Variants in UGT1A8 observed in about 807,000 individuals in gnomAD.
The protein encoded by UGT1A8 is UDP-glucuronosyltransferase 1A8.
UGT1A8 carries 39 observed loss-of-function variants against 45.3 expected under a neutral mutation model. The observed-to-expected ratio is 0.86, with a 90% CI of 0.67 to 1.12. The LOEUF (loss-of-function observed/expected upper bound fraction) is 1.12, where lower values mean the gene tolerates loss of function less well. Ranked by LOEUF, UGT1A8 falls within the 50% of genes most tolerant of loss-of-function variation. The probability of loss-of-function intolerance (pLI) is 0.00; values close to 1 mark genes in which losing one functional copy is unlikely to be tolerated. For synonymous variants in UGT1A8, 275 were observed against 249.2 expected (o/e 1.10, Z -0.97); for missense variants, 719 against 664.9 (o/e 1.08, Z -0.90).
rs900393425 is a variant in UGT1A8 at position 233,715,048 on chromosome 2, C to CT, written c.856-51977dup. 1.6e-3 allele frequency among the ~76,000 whole-genome samples: 238 copies of CT among 151,030 alleles called. 1 individual carries two copies. The highest frequency in any genetic ancestry group is 5.1e-3 in the African/African-American group (208 of 41,174). On this transcript the variant is annotated intron_variant, in intron 1 of 4. Coordinates refer to ENST00000373450, the MANE Select transcript of UGT1A8 (RefSeq NM_019076.5). ...CATGGCACCACATCCAGCTAATTTT[C>CT]TTTTTTTTTGTATTTTTTATGGAGA...
intron 1 of UGT1A8, chr2:233,713,215 T>TC: frequency 6.2e-7 from 1 of 1,614,220 alleles, no homozygotes; most frequent in South Asian, 1.1e-5. Flanking sequence ...GAGAACTTTT[T>TC]CACCCTGACA....
rs34459843 is a variant in UGT1A8, at chr2:233,690,776, TACACACACACAC to T, written c.855+72227_855+72238del. On this transcript the variant is annotated intron_variant, in intron 1 of 4. Coordinates refer to ENST00000373450, the MANE Select transcript of UGT1A8 (RefSeq NM_019076.5). ...GTGCAGACATACACACACACACACA[TACACACACACAC>T]ACACACACACACCATTCTTAGTACA... The T allele has an allele frequency of 9.2e-4, 975 of 1,063,530 alleles. 12 individuals are homozygous for T. The African/African-American group carries it at 0.016, about 17-fold the overall frequency. 65.9% of individuals were successfully genotyped at this position (1,063,530 alleles called of 1,614,324 possible).
intron 1 of UGT1A8, among the ~76,000 whole-genome samples, chr2:233,666,423 T>A (rs2074076610): frequency 6.6e-6 from 1 of 152,230 alleles, no homozygotes; most frequent in Non-Finnish European, 1.5e-5. Context: ...TCAGTTTTAG[T>A]TTGATTACCC....
intron 1 of UGT1A8, among the ~76,000 whole-genome samples, chr2:233,728,304 C>A (rs2077697138): frequency 1.3e-5 from 2 of 152,312 alleles, no homozygotes; most frequent in African/African-American, 4.8e-5. Context: ...TCAGACTGTG[C>A]AAGATCTGAG....
At chr2:233,729,533 C>T (rs746765589) in intron 1 of UGT1A8, 8 of 1,614,138 alleles carry the variant, frequency 5.0e-6, no homozygotes, top group South Asian at 3.3e-5. Context: ...CATAATGAGG[C>T]CCTGATCAGG....
At chr2:233,764,935 G>T (rs1212843122) in intron 1 of UGT1A8, among the ~76,000 whole-genome samples, 1 of 152,204 alleles carries the variant, frequency 6.6e-6, no homozygotes, top group Non-Finnish European at 1.5e-5. Context: ...GGGCTGGTGA[G>T]AGTGGCGGGG....
At chr2:233,738,536 G>A (rs919833416) in intron 1 of UGT1A8, among the ~76,000 whole-genome samples, 2 of 152,222 alleles carry the variant, frequency 1.3e-5, no homozygotes, top group Non-Finnish European at 2.9e-5. Context: ...TGAAGTCCAG[G>A]CTGAGTCTCA....
At chr2:233,740,949 T>G (rs1205876096) in intron 1 of UGT1A8, 9 of 151,554 alleles carry the variant, frequency 5.9e-5, no homozygotes, top group Non-Finnish European at 1.0e-4. Context: ...ATTAGCTAGG[T>G]GTGGTAGCAT....
At chr2:233,757,089 G>C (rs553473050) in intron 1 of UGT1A8, among the ~76,000 whole-genome samples, 2 of 151,396 alleles carry the variant, frequency 1.3e-5, no homozygotes, top group Admixed American at 1.3e-4. Flanking sequence ...AGGGTAAGAG[G>C]CAGAGGGAGG....
rs550184525 is a variant in UGT1A8, at chr2:233,626,502, C to T, written c.855+7940C>T. Among the ~76,000 whole-genome samples, 11 of 152,206 alleles carry T rather than the reference C, an allele frequency of 7.2e-5. No homozygotes were observed. The South Asian group carries it at 2.3e-3, about 32-fold the overall frequency. ...GCTGTATCCATAATCCCTTTCATGA[C>T]TTCCTTGATTGGCTCTGTCTTAAAT... On this transcript the variant is annotated intron_variant, in intron 1 of 4. Transcript: ENST00000373450.
intron 1 of UGT1A8, among the ~76,000 whole-genome samples, chr2:233,716,543 C>T (rs2076509710): frequency 6.6e-6 from 1 of 152,114 alleles, no homozygotes; most frequent in South Asian, 2.1e-4. Flanking sequence ...CCTTTCTCTC[C>T]TTATATTCCT....
chr2:233,711,786 G>T (rs952710503), intron 1 of UGT1A8, among the ~76,000 whole-genome samples: 2 of 152,208 alleles, frequency 1.3e-5, no homozygotes, highest in Non-Finnish European at 2.9e-5. Context: ...AGTGTGCACA[G>T]CCCAGAGAGC....
intron 1 of UGT1A8, among the ~76,000 whole-genome samples, chr2:233,671,053 G>A (rs1320072969): frequency 6.6e-6 from 1 of 152,164 alleles, no homozygotes; most frequent in Admixed American, 6.6e-5. Flanking sequence ...CATAGCATGG[G>A]TACTGTGAAA....
At chr2:233,661,622 A>C (rs1019348109) in intron 1 of UGT1A8, among the ~76,000 whole-genome samples, 1 of 68,470 alleles carries the variant, frequency 1.5e-5, no homozygotes. Flanking sequence ...GACTTACTGA[A>C]TTTTCTTTCT....
At chr2:233,755,308 G>C in intron 1 of UGT1A8, 3 of 564,496 alleles carry the variant, frequency 5.3e-6, no homozygotes, top group Non-Finnish European at 8.4e-6. Flanking sequence ...CTGGCACAGC[G>C]AGCGGCAAGG....
intron 1 of UGT1A8, among the ~76,000 whole-genome samples, chr2:233,700,949 T>G (rs537034849): frequency 2.1e-4 from 32 of 150,414 alleles, no homozygotes; most frequent in African/African-American, 7.3e-4. Context: ...AATTCCCACC[T>G]ATGAGTGAGA....
At chr2:233,631,667 C>A (rs920474049) in intron 1 of UGT1A8, among the ~76,000 whole-genome samples, 1 of 152,016 alleles carries the variant, frequency 6.6e-6, no homozygotes, top group African/African-American at 2.4e-5. Flanking sequence ...TATCCTTCGA[C>A]CGCTTTTTGA....
intron 1 of UGT1A8, chr2:233,690,437 T>C (rs2074990213): frequency 7.9e-7 from 1 of 1,273,856 alleles, no homozygotes; most frequent in African/African-American, 1.5e-5. Context: ...TCTTTGGGTC[T>C]CTCCTCTATT....
rs1278012950 is a variant in UGT1A8, at chr2:233,718,882, G to C, written c.856-48152G>C. The stretch of plus-strand genomic sequence containing the variant: ...GCCACAGGACTGCTGCTCCTCCTCA[G>C]TGTCCAGCCCTGGGCTGAGAGTGGA... On this transcript the variant is annotated intron_variant, in intron 1 of 4. Coordinates refer to ENST00000373450, the MANE Select transcript of UGT1A8 (RefSeq NM_019076.5). 1 of 1,613,978 alleles carries C rather than the reference G, an allele frequency of 6.2e-7. No homozygotes were observed.
Sources: allele counts gnomAD v4.1 joint callset (sites outside exome capture counted in the v4.1 genomes callset), GRCh38; gene constraint gnomAD v4.1.1; transcripts MANE v1.5; gene names NCBI Gene and HGNC (gene_info 2026-07-23, HGNC 2026-07-21).